Variants in TGM2 observed in about 807,000 individuals in gnomAD.
TGM2 encodes the protein protein-glutamine gamma-glutamyltransferase 2.
TGM2 carries 53 observed loss-of-function variants against 75.6 expected under a neutral mutation model. The observed-to-expected ratio is 0.70, with a 90% CI of 0.56 to 0.88. The LOEUF (loss-of-function observed/expected upper bound fraction) is 0.88, where lower values mean the gene tolerates loss of function less well. TGM2 is among the 40% of genes least tolerant of loss of function. The pLI, the probability that TGM2 is intolerant of heterozygous loss-of-function variation, is 0.00. For missense variants in TGM2, 842 were observed against 928.5 expected, an observed-to-expected ratio of 0.91 and a Z score of 1.21; for synonymous variants, 374 against 381.1, an observed-to-expected ratio of 0.98 and a Z score of 0.22.
At position 38,161,365 on chromosome 20, in the gene TGM2, G is replaced by A. The variant is rs2075249293; in HGVS notation, c.190+55C>T. The A allele has an allele frequency of 5.6e-6, 9 of 1,599,840 alleles. No homozygotes were observed. The East Asian group carries it at 1.4e-4, about 24-fold the overall frequency. ...TCAGGGTTCTGGGGCATGTCGGGGT[G>A]GAGAGGAAGTGGTGGTGGTGGTGGT... On this transcript the variant is annotated intron_variant, in intron 2 of 12. Coordinates refer to ENST00000361475, the MANE Select transcript of TGM2 (RefSeq NM_004613.4).
rs998896724 is a variant in TGM2, at chr20:38,149,525, A to G, written c.552+1414T>C. The stretch of plus-strand genomic sequence containing the variant: ...ACCCCGTCTCTACTAAAAAAATACA[A>G]AAAATTAGCCGGGTGTGGTGGTGGG... On this transcript the variant is annotated intron_variant, in intron 4 of 12. Transcript: ENST00000361475. Among the ~76,000 whole-genome samples, 14 of 152,008 alleles carry G rather than the reference A, an allele frequency of 9.2e-5. No homozygotes were observed. The East Asian group carries it at 1.5e-3, about 17-fold the overall frequency.
Position 38,128,890 on chromosome 20 carries a change from G to A in TGM2, c.*1329C>T, listed in dbSNP as rs970502205. ...GGGTAGCTGGGGTGCCAACCTTGTT[G>A]GTTAGTGACCAGCACTGGCAGCTAA... On this transcript the variant is annotated 3_prime_UTR_variant, in exon 13 of 13. Transcript: ENST00000361475. The A allele has an allele frequency of 6.6e-6, 1 of 152,332 alleles. No homozygotes were observed. The highest frequency in any genetic ancestry group is 1.5e-5 in the Non-Finnish European group (1 of 68,110). The allele number at this position is 152,332 out of a possible 1,614,324, so 9.4% of individuals were successfully genotyped here.
In TGM2 at chr20:38,130,191, C is replaced by T; in HGVS notation, c.*28G>A. 1 of 1,612,512 alleles carries T rather than the reference C, an allele frequency of 6.2e-7. No individual in the cohort carries two copies. The highest frequency in any genetic ancestry group is 8.5e-7 in the Non-Finnish European group (1 of 1,179,626). ...ATAAGGATTGGGATCAAGGTGGGGG[C>T]TCTCAGCAGGCTGGGAGCAGGGGTC... On this transcript the variant is annotated 3_prime_UTR_variant, in exon 13 of 13. Transcript: ENST00000361475.
chr20:38,132,210 T>G, intron 11 of TGM2, 130 bp downstream of exon 11: 2 of 1,020,686 alleles, frequency 2.0e-6, no homozygotes, highest in Non-Finnish European at 3.0e-6. Context: ...GGCTAGGATT[T>G]GAGGATCGCT....
At chr20:38,146,972 G>A in intron 5 of TGM2, 78 bp from the exon 6 acceptor site, 1 of 1,500,172 alleles carries the variant, frequency 6.7e-7, no homozygotes, top group Non-Finnish European at 9.0e-7. Flanking sequence ...CCTGAGTACA[G>A]CAGGGGGTGA....
chr20:38,135,991 G>T (rs1373352143), intron 10 of TGM2, among the ~76,000 whole-genome samples: 2 of 152,182 alleles, frequency 1.3e-5, no homozygotes, highest in East Asian at 3.9e-4. Flanking sequence ...CGCCCAAGGT[G>T]GTGCATTCAG....
Position 38,128,255 on chromosome 20 carries a change from T to G in TGM2, c.*1964A>C, listed in dbSNP as rs1042204979. Reference sequence around the variant, plus strand: ...CAGGGTGTTCTGGGGATACAGGAAGTTAATTGTGGCCCAAAAACAGACTGT... The same window carrying G: ...CAGGGTGTTCTGGGGATACAGGAAGGTAATTGTGGCCCAAAAACAGACTGT... On this transcript the variant is annotated 3_prime_UTR_variant, in exon 13 of 13. Coordinates refer to ENST00000361475, the MANE Select transcript of TGM2 (RefSeq NM_004613.4). The G allele has an allele frequency of 6.6e-6, 1 of 152,022 alleles. No homozygotes were observed. The highest frequency in any genetic ancestry group is 2.4e-5 in the African/African-American group (1 of 41,362). The allele number at this position is 152,022 out of a possible 1,614,324, so 9.4% of individuals were successfully genotyped here.
At chr20:38,133,068 G>A in intron 10 of TGM2, 1 of 355,942 alleles carries the variant, frequency 2.8e-6, no homozygotes, top group South Asian at 2.1e-5. Context: ...TCTCCAGCAG[G>A]TGAAATAACG....
intron 11 of TGM2, 26 bp from the exon 12 acceptor site, chr20:38,131,255 C>A: frequency 6.2e-7 from 1 of 1,613,120 alleles, no homozygotes. Flanking sequence ...GGGCAGATGT[C>A]AAGGGCAGGT....
chr20:38,142,673 C>T (rs2074990861), intron 6 of TGM2, among the ~76,000 whole-genome samples: 1 of 152,232 alleles, frequency 6.6e-6, no homozygotes, highest in South Asian at 2.1e-4. Context: ...TGCACCACTG[C>T]ACTCCAGCCT....
At chr20:38,148,150 C>T (rs1441967669) in intron 4 of TGM2, 61 bp from the exon 5 acceptor site, 1 of 1,609,844 alleles carries the variant, frequency 6.2e-7, no homozygotes, top group Non-Finnish European at 8.5e-7. Flanking sequence ...TCCAGGAAGC[C>T]TGCGTTGAAG....
upstream of TGM2, among the ~76,000 whole-genome samples, chr20:38,167,300 A>T (rs938547858): frequency 7.3e-5 from 11 of 151,674 alleles, no homozygotes; most frequent in African/African-American, 2.2e-4. Context: ...TTCCTTTAAA[A>T]CCCTCAGCCT....
Position 38,139,290 on chromosome 20 carries a change from G to T in TGM2, c.1342+122C>A, listed in dbSNP as rs140804009. ...TTGCTGAAGATGGAGTATAGCCTAC[G>T]GGGCCATTGCTGTACGTAGGCTACC... is the stretch of plus-strand genomic sequence containing the variant. On this transcript the variant is annotated intron_variant, in intron 9 of 12. Transcript: ENST00000361475. 639 of 1,408,668 alleles carry T rather than the reference G, an allele frequency of 4.5e-4. 3 individuals are homozygous for T. The African/African-American group carries it at 7.9e-3, about 17-fold the overall frequency. The allele number at this position is 1,408,668 out of a possible 1,614,324, so 87.3% of individuals were successfully genotyped here. A position where few individuals can be genotyped will look rare whatever the true frequency, so the allele number is the denominator to read the frequency against.
At chr20:38,160,927 A>G (rs1278629668) in intron 2 of TGM2, among the ~76,000 whole-genome samples, 8 of 152,110 alleles carry the variant, frequency 5.3e-5, no homozygotes, top group Non-Finnish European at 8.8e-5. Flanking sequence ...CAGCCTCCCA[A>G]ATAGCTGGGA....
At chr20:38,145,019 AC>A in intron 6 of TGM2, among the ~76,000 whole-genome samples, 1 of 151,938 alleles carries the variant, frequency 6.6e-6, no homozygotes, top group South Asian at 2.1e-4. Context: ...TTCCAGGAAA[AC>A]CCATGGGCTT....
intron 1 of TGM2, 134 bp downstream of exon 1, chr20:38,165,055 T>A: frequency 7.7e-7 from 1 of 1,303,524 alleles, no homozygotes; most frequent in Non-Finnish European, 1.1e-6. Flanking sequence ...CAAGCAGCAT[T>A]GAGACGCCTC....
intron 10 of TGM2, among the ~76,000 whole-genome samples, chr20:38,137,436 G>T (rs147990290): frequency 1.3e-5 from 2 of 152,270 alleles, no homozygotes; most frequent in East Asian, 3.9e-4. Flanking sequence ...CTGGGCAACA[G>T]AGTAAGACTC....
At position 38,156,064 on chromosome 20, in the gene TGM2, C is replaced by T. The variant is rs1280829989; in HGVS notation, c.216G>A (p.Gly72=). The part of the protein sequence containing the change: ...VTGPAPSQEA[G]TKARFPLRDA... ...CTCTTAGTGGAAAACGGGCCTTGGTCCCGGCCTCCTGGCTAGGGGCTGGGC... is the reference window on the plus strand; with the variant it reads ...CTCTTAGTGGAAAACGGGCCTTGGTTCCGGCCTCCTGGCTAGGGGCTGGGC... Residue 72 remains glycine (G), a synonymous_variant, in exon 3 of 13, where the codon GGG becomes GGA. Transcript: ENST00000361475. The T allele has an allele frequency of 6.2e-7, 1 of 1,613,578 alleles. No homozygotes were observed. The highest frequency in any genetic ancestry group is 8.5e-7 in the Non-Finnish European group (1 of 1,179,956).
intron 8 of TGM2, 42 bp from the exon 9 acceptor site, chr20:38,139,696 G>C (rs757419229): frequency 1.2e-6 from 2 of 1,612,194 alleles, no homozygotes; most frequent in Admixed American, 3.3e-5. Flanking sequence ...CTGGGTGAAG[G>C]TTGGGTGGTG....
Sources: allele counts gnomAD v4.1 joint callset (sites outside exome capture counted in the v4.1 genomes callset), GRCh38; gene constraint gnomAD v4.1.1; transcripts MANE v1.5; gene names NCBI Gene and HGNC (gene_info 2026-07-23, HGNC 2026-07-21).